PSIP1: variants seen among roughly 807,000 people sequenced by gnomAD.
The protein encoded by PSIP1 is PC4 and SRSF1 interacting protein 1.
In PSIP1, 19 loss-of-function variants were observed where a neutral mutation model predicts 74.7. That is an observed-to-expected ratio of 0.25 (90% CI 0.18 to 0.37). PSIP1 has a LOEUF of 0.37. Ranked by LOEUF, PSIP1 falls within the 10% of genes least tolerant of loss-of-function variation. PSIP1 has a pLI of 1.00. For missense variants in PSIP1, 601 were observed against 614.3 expected, an observed-to-expected ratio of 0.98 and a Z score of 0.23; for synonymous variants, 222 against 195.3, an observed-to-expected ratio of 1.14 and a Z score of -1.14.
Position 15,488,825 on chromosome 9 carries a change from TC to T in PSIP1, c.288+1160del, listed in dbSNP as rs544598928. Among the ~76,000 whole-genome samples, 1,418 of 152,040 alleles carry T rather than the reference TC, an allele frequency of 9.3e-3. 13 individuals carry two copies. Among genetic ancestry groups the T allele is most frequent in the African/African-American group, 0.033 (1,355 of 41,440 alleles). On this transcript the variant is annotated intron_variant, in intron 4 of 15. Coordinates refer to ENST00000380733, the MANE Select transcript of PSIP1 (RefSeq NM_033222.5). ...TCACAAGGTCAGGAGATCGAGACCA[TC>T]CTGGCTAACACGGTGAAACCCCGTC...
At chr9:15,477,983 C>T (rs902184504) in intron 8 of PSIP1, among the ~76,000 whole-genome samples, 1 of 151,424 alleles carries the variant, frequency 6.6e-6, no homozygotes, top group African/African-American at 2.4e-5. Context: ...AAAAAGTTAG[C>T]CAGGTGTGGT....
chr9:15,476,370 C>T (rs1466805405), intron 8 of PSIP1, among the ~76,000 whole-genome samples: 1 of 152,072 alleles, frequency 6.6e-6, no homozygotes, highest in Non-Finnish European at 1.5e-5. Flanking sequence ...TGGACCGCAG[C>T]AGAAATAAGA....
In PSIP1 at chr9:15,486,885, TCTTCAA is replaced by T; in HGVS notation, c.329_334del (p.Val110_Glu111del). On this transcript the variant is annotated inframe_deletion, in exon 5 of 16. Transcript: ENST00000380733. ...TTCCTTTGAAACACTAGTTTCCTTTTCTTCAACTTCAACATCAGATGATGCATTTGA... is the reference window on the plus strand; with the variant it reads ...TTCCTTTGAAACACTAGTTTCCTTTTCTTCAACATCAGATGATGCATTTGA... 4 of 1,612,784 alleles carry T rather than the reference TCTTCAA, an allele frequency of 2.5e-6. No individual in the cohort carries two copies. The highest frequency in any genetic ancestry group is 1.3e-5 in the African/African-American group (1 of 74,990).
Position 15,510,270 on chromosome 9 carries a change from G to T in PSIP1, c.-82C>A, listed in dbSNP as rs1387212278. Reference sequence around the variant, plus strand: ...GCGCGGGGATGCGGGCGGCGGACGCGGGCCCAGCTACCGGGCCCGCGGGCG... The same window carrying T: ...GCGCGGGGATGCGGGCGGCGGACGCTGGCCCAGCTACCGGGCCCGCGGGCG... On this transcript the variant is annotated 5_prime_UTR_variant, in exon 2 of 16. Coordinates refer to ENST00000380733, the MANE Select transcript of PSIP1 (RefSeq NM_033222.5). 21 of 1,317,024 alleles carry T rather than the reference G, an allele frequency of 1.6e-5. No individual in the cohort carries two copies. The highest frequency in any genetic ancestry group is 4.6e-5 in the African/African-American group (3 of 65,690). The allele number at this position is 1,317,024 out of a possible 1,614,324, so 81.6% of individuals were successfully genotyped here.
At chr9:15,480,660 G>A (rs531760788) in intron 6 of PSIP1, among the ~76,000 whole-genome samples, 8 of 152,300 alleles carry the variant, frequency 5.3e-5, no homozygotes, top group Admixed American at 3.9e-4. Flanking sequence ...AGTGGCTCAC[G>A]CCTGTAATCC....
rs946190765 is a variant in PSIP1 at position 15,510,924 on chromosome 9, C to G, written c.-249G>C. 1.3e-5 allele frequency: 2 copies of G among 153,028 alleles called. No individual in the cohort carries two copies. Among genetic ancestry groups the G allele is most frequent in the Non-Finnish European group, 2.9e-5 (2 of 68,474 alleles). The allele number at this position is 153,028 out of a possible 1,614,324, so 9.5% of individuals were successfully genotyped here. Reference sequence around the variant, plus strand: ...CTGCCGCAGAGGCGTCTCAACGGCTCGGAATCGCAACCGCGCCGCCGCTGC... The same window carrying G: ...CTGCCGCAGAGGCGTCTCAACGGCTGGGAATCGCAACCGCGCCGCCGCTGC... On this transcript the variant is annotated 5_prime_UTR_variant, in exon 1 of 16. Coordinates refer to ENST00000380733, the MANE Select transcript of PSIP1 (RefSeq NM_033222.5).
At position 15,466,796 on chromosome 9, in the gene PSIP1, T is replaced by G. The variant is rs201652868; in HGVS notation, c.1484A>C (p.Glu495Ala). Residue 495 changes from glutamate to alanine, a missense_variant, in exon 15 of 16, where the codon GAG becomes GCG. Coordinates refer to ENST00000380733, the MANE Select transcript of PSIP1 (RefSeq NM_033222.5). Reference protein sequence around the residue: ...QDGNQPQHNGESNEDSKDNHE... With the variant: ...QDGNQPQHNGASNEDSKDNHE... ...GTTGTCTTTGCTGTCTTCATTGCTC[T>G]CCCCGTTATGTTGTGGCTGATTACC... 1.4e-5 allele frequency: 23 copies of G among 1,613,680 alleles called. No individual in the cohort carries two copies. In the African/African-American group the frequency reaches 2.5e-4, roughly 18 times the overall value.
chr9:15,488,904 C>T (rs899216689), intron 4 of PSIP1, among the ~76,000 whole-genome samples: 1 of 152,156 alleles, frequency 6.6e-6, no homozygotes, highest in African/African-American at 2.4e-5. Flanking sequence ...ACCTGTAGTC[C>T]CAGCTACTCG....
rs2037591495 is a variant in PSIP1 at position 15,506,452 on chromosome 9, G to T, written c.149+109C>A. On this transcript the variant is annotated intron_variant, in intron 3 of 15. Coordinates refer to ENST00000380733, the MANE Select transcript of PSIP1 (RefSeq NM_033222.5). ...TTAAAGACTCTTTCCAAAGTTCAAA[G>T]ATTTTAAAGTTTCCTATTACGTTAC... is the stretch of plus-strand genomic sequence containing the variant. 5 of 753,762 alleles carry T rather than the reference G, an allele frequency of 6.6e-6. No homozygotes were observed. The South Asian group carries it at 1.1e-4, about 16-fold the overall frequency. 46.7% of individuals were successfully genotyped at this position (753,762 alleles called of 1,614,324 possible).
At chr9:15,496,728 A>G (rs1201034710) in intron 3 of PSIP1, among the ~76,000 whole-genome samples, 2 of 152,258 alleles carry the variant, frequency 1.3e-5, no homozygotes, top group Non-Finnish European at 2.9e-5. Flanking sequence ...CAAAAATTAA[A>G]TAACTATGTT....
chr9:15,468,431 A>G, intron 14 of PSIP1, 199 bp downstream of exon 14: 1 of 767,034 alleles, frequency 1.3e-6, no homozygotes, highest in Non-Finnish European at 2.4e-6. Flanking sequence ...GAAGTCGAAT[A>G]TAAACTGACA....
In PSIP1 at chr9:15,472,721, A is replaced by G. The variant is rs2035893720; in HGVS notation, c.888T>C (p.Thr296=). ...CTTTCAGCATATTCCTTCTGTGAGC[A>G]GTCTGAAAGTTCCTCCCACCTTTTC... is the stretch of plus-strand genomic sequence containing the variant. ...KKRKGGRNFQ[T]AHRRNMLKGQ... is the part of the protein sequence containing the mutation. Residue 296 remains threonine (T), a synonymous_variant, in exon 10 of 16, where the codon ACT becomes ACC. Coordinates refer to ENST00000380733, the MANE Select transcript of PSIP1 (RefSeq NM_033222.5). 1.2e-6 allele frequency: 2 copies of G among 1,604,532 alleles called. No homozygotes were observed. The highest frequency in any genetic ancestry group is 3.5e-5 in the Admixed American group (2 of 57,380).
At chr9:15,503,270 G>A (rs2037427286) in intron 3 of PSIP1, among the ~76,000 whole-genome samples, 1 of 152,158 alleles carries the variant, frequency 6.6e-6, no homozygotes, top group South Asian at 2.1e-4. Context: ...GGGAGGCTGA[G>A]GCAGAGGAAT....
chr9:15,477,036 A>C (rs115008937), intron 8 of PSIP1, among the ~76,000 whole-genome samples: 2,159 of 152,306 alleles, frequency 0.014, 57 homozygotes, highest in African/African-American at 0.049. Flanking sequence ...TCCGGGGGAA[A>C]ACTGGGACCT....
chr9:15,471,316 C>CG (rs1563867545), intron 10 of PSIP1: 1 of 1,564,546 alleles, frequency 6.4e-7, no homozygotes, highest in East Asian at 2.3e-5. Context: ...GCAAAACTGT[C>CG]CAAGTACAAA....
intron 8 of PSIP1, among the ~76,000 whole-genome samples, chr9:15,476,664 A>G (rs763146013): frequency 5.9e-5 from 9 of 152,222 alleles, no homozygotes; most frequent in African/African-American, 1.2e-4. Flanking sequence ...ACAAAAACCT[A>G]TAAACTCAAA....
At chr9:15,491,867 T>C (rs1429062675) in intron 3 of PSIP1, 1 of 152,438 alleles carries the variant, frequency 6.6e-6, no homozygotes, top group Non-Finnish European at 1.5e-5. Context: ...CAGGAGAGAA[T>C]GCATGCAAGC....
rs577289243 is a variant in PSIP1 at position 15,465,108 on chromosome 9, G to T, written c.*412C>A. 20 of 231,310 alleles carry T rather than the reference G, an allele frequency of 8.6e-5. No individual in the cohort carries two copies. In the South Asian group the frequency reaches 2.1e-3, roughly 25 times the overall value. 14.3% of individuals were successfully genotyped at this position (231,310 alleles called of 1,614,324 possible). A position where few individuals can be genotyped will look rare whatever the true frequency, so the allele number is the denominator to read the frequency against. ...AAAACCCACAAACAGTGAAAAGACAGTCTGGTAAATCCAAGGTTTGTAAAA... is the reference window on the plus strand; with the variant it reads ...AAAACCCACAAACAGTGAAAAGACATTCTGGTAAATCCAAGGTTTGTAAAA... On this transcript the variant is annotated 3_prime_UTR_variant, in exon 16 of 16. Transcript: ENST00000380733.
chr9:15,486,089 CTG>C (rs2036547330), intron 5 of PSIP1, 21 bp from the exon 6 acceptor site: 2 of 1,526,682 alleles, frequency 1.3e-6, no homozygotes, highest in Admixed American at 1.9e-5. Context: ...AAAAAGAAAA[CTG>C]AATACTGAAT....
Sources: allele counts gnomAD v4.1 joint callset (sites outside exome capture counted in the v4.1 genomes callset), GRCh38; gene constraint gnomAD v4.1.1; transcripts MANE v1.5; gene names NCBI Gene and HGNC (gene_info 2026-07-23, HGNC 2026-07-21).